Variants in ATXN7L1 observed in about 807,000 individuals in gnomAD.
ATXN7L1 encodes the protein ataxin-7-like protein 1.
A neutral mutation model predicts 70.8 loss-of-function variants in ATXN7L1; 15 were observed. The observed-to-expected ratio is 0.21, with a 90% CI of 0.14 to 0.33. The LOEUF is 0.33. ATXN7L1 is among the 10% of genes least tolerant of loss of function. The pLI is 1.00. For synonymous variants in ATXN7L1, 440 were observed against 445.1 expected, an observed-to-expected ratio of 0.99 and a Z score of 0.14; for missense variants, 975 against 1,097.1, an observed-to-expected ratio of 0.89 and a Z score of 1.57.
intron 3 of ATXN7L1, among the ~76,000 whole-genome samples, chr7:105,771,314 T>C (rs184607833): frequency 6.0e-4 from 91 of 151,988 alleles, no homozygotes; most frequent in Non-Finnish European, 1.1e-3. Flanking sequence ...CAGTAAAGTT[T>C]TGAGAATCAA....
rs767411347 is a variant in ATXN7L1, at chr7:105,738,337, C to A, written c.355+50267G>T. On this transcript the variant is annotated intron_variant, in intron 3 of 11. Transcript: ENST00000419735. ...TGTATGTCTGTCTTTCTGCCTTTGC[C>A]CATGTTGCTCCCACCACCAGGAGTG... Among the ~76,000 whole-genome samples, 38 of 152,166 alleles carry A rather than the reference C, an allele frequency of 2.5e-4. 1 individual carries two copies. Among genetic ancestry groups the A allele is most frequent in the Admixed American group, 1.2e-3 (18 of 15,274 alleles).
At chr7:105,833,995 T>C (rs986173046) in intron 2 of ATXN7L1, among the ~76,000 whole-genome samples, 3 of 152,264 alleles carry the variant, frequency 2.0e-5, no homozygotes, top group African/African-American at 7.2e-5. Context: ...CATGGTTTAC[T>C]GAATATTTTA....
chr7:105,781,665 T>C (rs1277381509), intron 3 of ATXN7L1, among the ~76,000 whole-genome samples: 1 of 152,252 alleles, frequency 6.6e-6, no homozygotes, highest in Non-Finnish European at 1.5e-5. Context: ...GAAACTTTTT[T>C]TTTAAAGCAA....
At chr7:105,773,846 T>C (rs574588030) in intron 3 of ATXN7L1, among the ~76,000 whole-genome samples, 5 of 152,246 alleles carry the variant, frequency 3.3e-5, no homozygotes, top group African/African-American at 9.6e-5. Flanking sequence ...GCCTACAAGT[T>C]GTGTAGACAA....
chr7:105,737,777 C>T (rs184665892), intron 3 of ATXN7L1, among the ~76,000 whole-genome samples: 14 of 152,230 alleles, frequency 9.2e-5, no homozygotes, highest in Admixed American at 5.9e-4. Context: ...GTAACAACAG[C>T]GTGGAGCTGC....
chr7:105,616,091 C>T (rs138660511), intron 9 of ATXN7L1, among the ~76,000 whole-genome samples: 6 of 152,346 alleles, frequency 3.9e-5, no homozygotes, highest in Non-Finnish European at 5.9e-5. Flanking sequence ...CTCCCTCTCC[C>T]GGTTTCCCTG....
At position 105,788,634 on chromosome 7, in the gene ATXN7L1, C is replaced by T. The variant is rs752567780; in HGVS notation, c.325G>A (p.Val109Ile). 9.3e-6 allele frequency: 15 copies of T among 1,613,774 alleles called. No homozygotes were observed. In the Middle Eastern group the frequency reaches 4.9e-4, roughly 53 times the overall value. ...LVVCSACNQV[V>I]KPQVFQSHCE... Reference sequence around the variant, plus strand: ...TGCGACTGGAAAACCTGTGGCTTGACGACCTGGTTACAGGCACTGCACACT... The same window carrying T: ...TGCGACTGGAAAACCTGTGGCTTGATGACCTGGTTACAGGCACTGCACACT... Residue 109 changes from valine to isoleucine, a missense_variant, in exon 3 of 12, where the codon GTC (valine) becomes ATC (isoleucine). Around this residue, in one of 5 missense-constraint regions of ATXN7L1, gnomAD observed 7 missense variants for 24.9 expected, o/e 0.28. Transcript: ENST00000419735.
intron 2 of ATXN7L1, among the ~76,000 whole-genome samples, chr7:105,804,445 A>T (rs1563106866): frequency 6.6e-6 from 1 of 152,164 alleles, no homozygotes; most frequent in Non-Finnish European, 1.5e-5. Flanking sequence ...CTTGTTGGAG[A>T]TGAGTGGAAA....
rs1814543985 is a variant in ATXN7L1 at position 105,849,356 on chromosome 7, TC to T, written c.250+26455del. ...CTGGCAAGAAGTTAGTGTAACCAGA[TC>T]CCTTCTGACAGACCTGAGATGCGCA... On this transcript the variant is annotated intron_variant, in intron 2 of 11. Coordinates refer to ENST00000419735, the MANE Select transcript of ATXN7L1 (RefSeq NM_020725.2). 2.6e-5 allele frequency among the ~76,000 whole-genome samples: 4 copies of T among 152,140 alleles called. No individual in the cohort carries two copies. The South Asian group carries it at 8.3e-4, about 31-fold the overall frequency.
chr7:105,634,365 G>A (rs1706916), intron 7 of ATXN7L1, among the ~76,000 whole-genome samples: 83,461 of 152,040 alleles, frequency 0.55, 23,528 homozygotes, highest in East Asian at 0.79. Flanking sequence ...TTGTCTGAGC[G>A]CATTAGGGAA....
At chr7:105,672,280 C>T (rs541921448) in intron 3 of ATXN7L1, among the ~76,000 whole-genome samples, 10 of 152,096 alleles carry the variant, frequency 6.6e-5, no homozygotes, top group East Asian at 3.9e-4. Context: ...AGTGAGACTC[C>T]GTCCCCTGCC....
rs542265817 is a variant in ATXN7L1 at position 105,815,666 on chromosome 7, T to C, written c.251-26958A>G. 1.4e-4 allele frequency among the ~76,000 whole-genome samples: 22 copies of C among 152,352 alleles called. No homozygotes were observed. In the South Asian group the frequency reaches 1.9e-3, roughly 13 times the overall value. ...TCTTTCTCAGGAAGCTGTCAGAGGATGTACTCTCCCCTAAAATGGACAAAC... is the reference window on the plus strand; with the variant it reads ...TCTTTCTCAGGAAGCTGTCAGAGGACGTACTCTCCCCTAAAATGGACAAAC... On this transcript the variant is annotated intron_variant, in intron 2 of 11. Transcript: ENST00000419735.
chr7:105,697,889 T>C (rs1460240861), intron 3 of ATXN7L1, among the ~76,000 whole-genome samples: 2 of 152,254 alleles, frequency 1.3e-5, no homozygotes, highest in African/African-American at 2.4e-5. Context: ...CCTGTGCCCA[T>C]GCCCTGGATG....
At chr7:105,735,404 T>C (rs1797267298) in intron 3 of ATXN7L1, among the ~76,000 whole-genome samples, 1 of 152,152 alleles carries the variant, frequency 6.6e-6, no homozygotes, top group African/African-American at 2.4e-5. Context: ...CTTTCTCTTG[T>C]ATTATTATTA....
intron 2 of ATXN7L1, among the ~76,000 whole-genome samples, chr7:105,791,492 G>A (rs142507450): frequency 8.5e-5 from 13 of 152,302 alleles, no homozygotes; most frequent in African/African-American, 2.4e-4. Context: ...TTAGAGCCGC[G>A]GAGATGACCC....
At chr7:105,670,680 T>G (rs1040546908) in intron 3 of ATXN7L1, among the ~76,000 whole-genome samples, 4 of 151,784 alleles carry the variant, frequency 2.6e-5, no homozygotes, top group African/African-American at 9.7e-5. Flanking sequence ...AAAAACTGAT[T>G]TGGCCGGGCG....
intron 3 of ATXN7L1, among the ~76,000 whole-genome samples, chr7:105,741,060 G>T (rs560569345): frequency 6.6e-6 from 1 of 152,064 alleles, no homozygotes; most frequent in Non-Finnish European, 1.5e-5. Flanking sequence ...CACCGCACCC[G>T]GCGGTTGCTC....
At chr7:105,774,668 A>G (rs73413282) in intron 3 of ATXN7L1, among the ~76,000 whole-genome samples, 12,895 of 152,074 alleles carry the variant, frequency 0.085, 1,488 homozygotes, top group African/African-American at 0.26. Flanking sequence ...CCTTCTCATT[A>G]ATAAGAAGAG....
chr7:105,669,211 A>G (rs147855254), intron 3 of ATXN7L1, among the ~76,000 whole-genome samples: 1 of 152,168 alleles, frequency 6.6e-6, no homozygotes, highest in Admixed American at 6.5e-5. Flanking sequence ...CCTCCTGAGT[A>G]GCTGCGATTA....
Sources: allele counts gnomAD v4.1 joint callset (sites outside exome capture counted in the v4.1 genomes callset), GRCh38; gene constraint gnomAD v4.1.1; regional missense constraint gnomAD v4.1.1; transcripts MANE v1.5; gene names NCBI Gene and HGNC (gene_info 2026-07-23, HGNC 2026-07-21).